The following PCLAF variants were observed in gnomAD, a reference collection of about 807,000 sequenced individuals.
The protein encoded by PCLAF is PCNA clamp associated factor.
A neutral mutation model predicts 15.1 loss-of-function variants in PCLAF; 12 were observed. The observed-to-expected ratio is 0.79, with a 90% CI of 0.51 to 1.29. The LOEUF is 1.29. Ranked by LOEUF, PCLAF falls within the 50% of genes most tolerant of loss-of-function variation. The probability of loss-of-function intolerance (pLI) is 0.00; values close to 1 mark genes in which losing one functional copy is unlikely to be tolerated. For missense variants in PCLAF, 116 were observed against 130.9 expected, an observed-to-expected ratio of 0.89 and a Z score of 0.56; for synonymous variants, 33 against 47.1, an observed-to-expected ratio of 0.70 and a Z score of 1.22.
At chr15:64,374,426 C>G (rs1352269664) in intron 3 of PCLAF, among the ~76,000 whole-genome samples, 3 of 151,896 alleles carry the variant, frequency 2.0e-5, no homozygotes, top group African/African-American at 7.3e-5. Flanking sequence ...GTAGTCCCAG[C>G]TACTTGGGAG....
chr15:64,369,970 T>C lies in PCLAF; in HGVS notation c.291-3895A>G, dbSNP rs1050067205. Among the ~76,000 whole-genome samples, 5 of 152,264 alleles carry C rather than the reference T, an allele frequency of 3.3e-5. No individual in the cohort carries two copies. In the South Asian group the frequency reaches 1.0e-3, roughly 32 times the overall value. ...TTGTTCCCATGCAGGTTTCTAAAGATGGCAAATATTGCCTTAAGACTTATT... is the reference window on the plus strand; with the variant it reads ...TTGTTCCCATGCAGGTTTCTAAAGACGGCAAATATTGCCTTAAGACTTATT... On this transcript the variant is annotated intron_variant, in intron 3 of 3. Transcript: ENST00000300035.
chr15:64,366,866 G>A (rs1899055545), intron 3 of PCLAF, among the ~76,000 whole-genome samples: 1 of 152,052 alleles, frequency 6.6e-6, no homozygotes, highest in Admixed American at 6.6e-5. Flanking sequence ...CCAGCTACTT[G>A]GGAGGCTAAG....
At chr15:64,373,850 A>G in intron 3 of PCLAF, 2 of 1,322,680 alleles carry the variant, frequency 1.5e-6, no homozygotes, top group East Asian at 2.6e-5. Flanking sequence ...TCCTACATCC[A>G]GACAAGTACT....
chr15:64,372,428 C>G (rs758243558), intron 3 of PCLAF, among the ~76,000 whole-genome samples: 25 of 151,610 alleles, frequency 1.6e-4, no homozygotes, highest in Non-Finnish European at 2.9e-4. Flanking sequence ...TCCTGGCTAA[C>G]ATGGTGAAAC....
intron 3 of PCLAF, 81 bp from the exon 4 acceptor site, chr15:64,366,156 G>A (rs1361355714): frequency 2.9e-6 from 3 of 1,037,204 alleles, no homozygotes; most frequent in South Asian, 1.5e-5. Flanking sequence ...ATATAAATCA[G>A]GAACATTAAT....
intron 3 of PCLAF, among the ~76,000 whole-genome samples, chr15:64,370,359 G>A (rs1263254626): frequency 6.6e-6 from 1 of 150,812 alleles, no homozygotes; most frequent in African/African-American, 2.4e-5. Context: ...CTGGCCTCAT[G>A]GAGTACGTAT....
chr15:64,386,233 T>TA (rs893765016), upstream of PCLAF, among the ~76,000 whole-genome samples: 128 of 145,404 alleles, frequency 8.8e-4, no homozygotes, highest in African/African-American at 1.5e-3. Context: ...GACTTTTTCT[T>TA]AAAAAAAAAA....
chr15:64,384,949 G>A (rs1899905064), upstream of PCLAF, among the ~76,000 whole-genome samples: 1 of 152,038 alleles, frequency 6.6e-6, no homozygotes, highest in Non-Finnish European at 1.5e-5. Context: ...ACGCAGGCTA[G>A]AGTGCAGTGG....
At chr15:64,382,802 C>A, upstream of PCLAF, 1 of 250,392 alleles carries the variant, frequency 4.0e-6, no homozygotes, top group South Asian at 4.0e-5. Flanking sequence ...TGGTGAAACC[C>A]AGTCTCTACT....
At chr15:64,378,667 C>T (rs949124993) in intron 2 of PCLAF, among the ~76,000 whole-genome samples, 5 of 152,156 alleles carry the variant, frequency 3.3e-5, no homozygotes, top group Non-Finnish European at 1.5e-5. Flanking sequence ...AATCCCAGCA[C>T]TTTGTGAGGC....
chr15:64,366,964 G>A (rs935782620), intron 3 of PCLAF, among the ~76,000 whole-genome samples: 1 of 149,218 alleles, frequency 6.7e-6, no homozygotes, highest in Non-Finnish European at 1.5e-5. Flanking sequence ...CAGAGAGCCT[G>A]TCTAAAAAAA....
chr15:64,378,205 T>C (rs1566967005), intron 2 of PCLAF, among the ~76,000 whole-genome samples: 1 of 151,994 alleles, frequency 6.6e-6, no homozygotes, highest in Non-Finnish European at 1.5e-5. Context: ...GGATTACAAG[T>C]GTGAGCCACC....
chr15:64,387,596 C>G, exon 1 of PCLAF: 1 of 1,378,824 alleles, frequency 7.3e-7, no homozygotes, highest in South Asian at 1.4e-5. Context: ...AGCAGAATTG[C>G]CAATGGCCTT....
intron 3 of PCLAF, among the ~76,000 whole-genome samples, chr15:64,367,362 G>T (rs1191722193): frequency 6.6e-6 from 1 of 150,598 alleles, no homozygotes; most frequent in Non-Finnish European, 1.5e-5. Context: ...AATTAGCCGG[G>T]CATGGTAGCA....
At chr15:64,386,667 T>C (rs1050812839) in intron 1 of PCLAF, among the ~76,000 whole-genome samples, 10 of 151,960 alleles carry the variant, frequency 6.6e-5, no homozygotes, top group African/African-American at 2.4e-4. Flanking sequence ...TGTCTCCGTG[T>C]GCGCTCGGGT....
intron 3 of PCLAF, 145 bp from the exon 4 acceptor site, chr15:64,366,220 C>T (rs1226638088): frequency 1.4e-5 from 7 of 485,414 alleles, no homozygotes; most frequent in Non-Finnish European, 1.8e-5. Flanking sequence ...AATTAAACTT[C>T]ATTAATTAAC....
chr15:64,377,876 C>T (rs796336660), intron 2 of PCLAF, among the ~76,000 whole-genome samples: 13 of 150,156 alleles, frequency 8.7e-5, no homozygotes, highest in African/African-American at 3.2e-4. Context: ...CTCAGCCTCC[C>T]GAGTAGCAGG....
intron 2 of PCLAF, among the ~76,000 whole-genome samples, chr15:64,377,470 CA>C (rs771209859): frequency 6.6e-3 from 6 of 912 alleles, no homozygotes; most frequent in Admixed American, 0.071. Context: ...GACTCTGTCT[CA>C]AAAAAAAAAA....
chr15:64,373,867 C>G (rs538436712), intron 3 of PCLAF: 1 of 1,132,552 alleles, frequency 8.8e-7, no homozygotes, highest in Admixed American at 2.7e-5. Flanking sequence ...TACTTTGTTT[C>G]GAAACAAAAC....
Sources: gnomAD v4.1 joint callset for allele counts (sites outside exome capture counted in the v4.1 genomes callset) on GRCh38, gnomAD v4.1.1 for gene constraint, MANE v1.5 for transcripts, NCBI Gene and HGNC (gene_info 2026-07-23, HGNC 2026-07-21) for gene names.